The following SVEP1 variants were observed in gnomAD, a reference collection of about 807,000 sequenced individuals.
SVEP1 encodes the protein sushi, von Willebrand factor type A, EGF and pentraxin domain-containing protein 1.
SVEP1 carries 164 observed loss-of-function variants against 367.3 expected under a neutral mutation model. The ratio of observed to expected loss-of-function variants is 0.45; its 90% CI spans 0.39 to 0.51. SVEP1 has a LOEUF of 0.51. Ranked by LOEUF, SVEP1 falls within the 20% of genes least tolerant of loss-of-function variation. The probability of loss-of-function intolerance (pLI) is 0.00; values close to 1 mark genes in which losing one functional copy is unlikely to be tolerated. For synonymous variants in SVEP1, 1,666 were observed against 1,611.6 expected, an observed-to-expected ratio of 1.03 and a Z score of -0.81; for missense variants, 4,117 against 4,425.3, an observed-to-expected ratio of 0.93 and a Z score of 1.98.
chr9:110,370,152 C>T, intron 46 of SVEP1, 136 bp from the exon 47 acceptor site: 1 of 737,490 alleles, frequency 1.4e-6, no homozygotes, highest in Admixed American at 2.6e-5. Flanking sequence ...TTAGCATTAT[C>T]CATTTCTGCT....
chr9:110,547,419 A>T (rs139512844), intron 2 of SVEP1, among the ~76,000 whole-genome samples: 287 of 152,246 alleles, frequency 1.9e-3, no homozygotes, highest in African/African-American at 6.4e-3. Context: ...AACAATTTTT[A>T]AAAAAATTAG....
At chr9:110,576,671 A>G (rs1390404402) in intron 1 of SVEP1, among the ~76,000 whole-genome samples, 1 of 152,054 alleles carries the variant, frequency 6.6e-6, no homozygotes, top group Non-Finnish European at 1.5e-5. Context: ...ACGTCAAGAA[A>G]AGTTGTTTGA....
chr9:110,413,384 A>G (rs1341835484), intron 36 of SVEP1, among the ~76,000 whole-genome samples: 2 of 122,516 alleles, frequency 1.6e-5, no homozygotes, highest in African/African-American at 3.2e-5. Context: ...CACTCTGGGG[A>G]CTGTTGTGGG....
intron 1 of SVEP1, among the ~76,000 whole-genome samples, chr9:110,577,356 A>G (rs570097553): frequency 1.3e-5 from 2 of 152,164 alleles, no homozygotes; most frequent in Non-Finnish European, 2.9e-5. Context: ...TTAGCACATG[A>G]TAAACATGAC....
chr9:110,479,602 A>C, intron 13 of SVEP1, 33 bp downstream of exon 13: 1 of 1,565,610 alleles, frequency 6.4e-7, no homozygotes, highest in Non-Finnish European at 8.6e-7. Flanking sequence ...GCCTTATAAA[A>C]GAACACACAA....
chr9:110,517,475 G>A (rs1180447853), intron 3 of SVEP1, among the ~76,000 whole-genome samples: 3 of 151,674 alleles, frequency 2.0e-5, no homozygotes, highest in Non-Finnish European at 4.4e-5. Context: ...GCAGTTGTCT[G>A]TAATCCCAGC....
At chr9:110,446,733 T>C (rs1008678060) in intron 25 of SVEP1, among the ~76,000 whole-genome samples, 167 bp downstream of exon 25, 6 of 152,214 alleles carry the variant, frequency 3.9e-5, no homozygotes, top group South Asian at 2.1e-4. Context: ...CTGAGGATAA[T>C]AGTAGTAGTA....
intron 13 of SVEP1, 51 bp from the exon 14 acceptor site, chr9:110,476,366 C>T: frequency 7.3e-7 from 1 of 1,375,112 alleles, no homozygotes; most frequent in Non-Finnish European, 1.0e-6. Context: ...TTCTGCATGC[C>T]TTGGATAAAC....
At chr9:110,516,901 G>A (rs370099003) in intron 3 of SVEP1, among the ~76,000 whole-genome samples, 2 of 151,992 alleles carry the variant, frequency 1.3e-5, no homozygotes, top group African/African-American at 4.8e-5. Context: ...TAAGTTCCAG[G>A]AAAAATTAAC....
chr9:110,557,574 T>C (rs941771325), intron 1 of SVEP1, among the ~76,000 whole-genome samples: 27 of 152,040 alleles, frequency 1.8e-4, no homozygotes, highest in African/African-American at 6.3e-4. Context: ...CTACCTTTAT[T>C]TTATTTAGCA....
At chr9:110,528,832 T>TTTAAA (rs1333386003) in intron 3 of SVEP1, among the ~76,000 whole-genome samples, 1 of 151,574 alleles carries the variant, frequency 6.6e-6, no homozygotes, top group Admixed American at 6.6e-5. Context: ...ATAAATATAT[T>TTTAAA]TTAAATTAAA....
intron 1 of SVEP1, among the ~76,000 whole-genome samples, chr9:110,557,545 A>ATAC (rs1032658428): frequency 6.6e-5 from 8 of 121,452 alleles, no homozygotes; most frequent in African/African-American, 2.5e-4. Context: ...CGGAATTCTT[A>ATAC]TACTTTATAT....
At chr9:110,480,943 A>G (rs797001056) in intron 12 of SVEP1, among the ~76,000 whole-genome samples, 2 of 152,154 alleles carry the variant, frequency 1.3e-5, no homozygotes, top group African/African-American at 4.8e-5. Context: ...TGAAATTCAT[A>G]TTTACAGGTT....
chr9:110,430,049 G>A (rs1472741180), intron 33 of SVEP1, 45 bp from the exon 34 acceptor site: 6 of 1,573,564 alleles, frequency 3.8e-6, no homozygotes, highest in African/African-American at 1.4e-5. Flanking sequence ...GAGACTGTGT[G>A]CAAAAATCTT....
intron 36 of SVEP1, among the ~76,000 whole-genome samples, chr9:110,424,456 A>T (rs1448733845): frequency 6.6e-6 from 1 of 152,214 alleles, no homozygotes; most frequent in Non-Finnish European, 1.5e-5. Context: ...ATATTTGTTT[A>T]TGGGGGAATA....
chr9:110,470,909 C>T (rs1175778286), intron 16 of SVEP1, among the ~76,000 whole-genome samples: 1 of 152,044 alleles, frequency 6.6e-6, no homozygotes, highest in African/African-American at 2.4e-5. Flanking sequence ...GGTATATCTC[C>T]TAATGCTATC....
chr9:110,458,655 TG>T, intron 19 of SVEP1, 93 bp from the exon 20 acceptor site: 1 of 1,244,544 alleles, frequency 8.0e-7, no homozygotes, highest in Non-Finnish European at 1.1e-6. Flanking sequence ...GTTGTCAGAG[TG>T]GGTAAAGCCA....
chr9:110,520,194 AAC>A (rs1404124335), intron 3 of SVEP1, among the ~76,000 whole-genome samples: 1 of 152,156 alleles, frequency 6.6e-6, no homozygotes, highest in African/African-American at 2.4e-5. Context: ...GATAATGAAA[AAC>A]AGACTTTAGG....
At chr9:110,494,265 G>A (rs540269298) in intron 8 of SVEP1, among the ~76,000 whole-genome samples, 10 of 152,262 alleles carry the variant, frequency 6.6e-5, no homozygotes, top group East Asian at 1.9e-4. Flanking sequence ...AGACAGAGAC[G>A]GGGAGGCATA....
Sources: allele counts gnomAD v4.1 joint callset (sites outside exome capture counted in the v4.1 genomes callset), GRCh38; gene constraint gnomAD v4.1.1; transcripts MANE v1.5; gene names NCBI Gene and HGNC (gene_info 2026-07-23, HGNC 2026-07-21).